Variants in BLMH observed in about 807,000 individuals in gnomAD.
The protein encoded by BLMH is bleomycin hydrolase, also known as BLM hydrolase.
A neutral mutation model predicts 61.6 loss-of-function variants in BLMH; 32 were observed. That is an observed-to-expected ratio of 0.52 (90% CI 0.39 to 0.70). The LOEUF is 0.70. Ranked by LOEUF, BLMH falls within the 30% of genes least tolerant of loss-of-function variation. The pLI is 0.00. For synonymous variants in BLMH, 183 were observed against 193.8 expected, an observed-to-expected ratio of 0.94 and a Z score of 0.46; for missense variants, 460 against 555.5, an observed-to-expected ratio of 0.83 and a Z score of 1.73.
At chr17:30,280,400 A>C (rs758197437) in intron 6 of BLMH, among the ~76,000 whole-genome samples, 3 of 152,218 alleles carry the variant, frequency 2.0e-5, no homozygotes, top group Non-Finnish European at 4.4e-5. Context: ...GTAGTACAGT[A>C]AAGTCTAAAG....
rs191309133 is a variant in BLMH, at chr17:30,269,185, T to G, written c.1146+2086A>C. 5.5e-3 allele frequency among the ~76,000 whole-genome samples: 819 copies of G among 148,050 alleles called. 47 individuals carry two copies. The East Asian group carries it at 0.11, about 20-fold the overall frequency. On this transcript the variant is annotated intron_variant, in intron 10 of 11. Transcript: ENST00000261714. ...ATTTTATTTATTTATTTATTGTTTT[T>G]TTTTTTTTTTGAGACAGAGTCTTGC...
chr17:30,289,822 T>G (rs182697940), intron 2 of BLMH, among the ~76,000 whole-genome samples: 2 of 152,206 alleles, frequency 1.3e-5, no homozygotes, highest in Non-Finnish European at 2.9e-5. Context: ...ACAGGGAAAT[T>G]ATCTCTTTTC....
At chr17:30,278,500 G>A (rs1908485031) in intron 6 of BLMH, among the ~76,000 whole-genome samples, 1 of 151,850 alleles carries the variant, frequency 6.6e-6, no homozygotes. Flanking sequence ...TTTCTCCATT[G>A]CACTTATCTT....
chr17:30,260,852 C>T (rs1347078532), intron 11 of BLMH, among the ~76,000 whole-genome samples: 1 of 152,122 alleles, frequency 6.6e-6, no homozygotes, highest in Admixed American at 6.5e-5. Flanking sequence ...CACTGCACTC[C>T]AGCCTGGGTA....
chr17:30,285,010 A>G (rs1908689304), intron 6 of BLMH, among the ~76,000 whole-genome samples: 1 of 152,218 alleles, frequency 6.6e-6, no homozygotes, highest in East Asian at 1.9e-4. Flanking sequence ...CAGTTTTTAC[A>G]CATCTAGCAT....
intron 4 of BLMH, 43 bp downstream of exon 4, chr17:30,287,763 T>C: frequency 1.2e-6 from 2 of 1,607,794 alleles, no homozygotes; most frequent in Non-Finnish European, 8.5e-7. Context: ...CAGGCTTACT[T>C]AATCATGCTG....
At position 30,274,104 on chromosome 17, in the gene BLMH, G is replaced by T; in HGVS notation, c.739C>A (p.Pro247Thr). Residue 247 changes from proline (P) to threonine (T), a missense_variant, in exon 7 of 12, where the codon CCC (proline) becomes ACC (threonine). Physicochemically the swap from Pro to Thr is conservative, Grantham distance 38 (BLOSUM62 -1). This residue lies in a region of BLMH where 310 missense variants were observed against 371.1 expected (regional missense o/e 0.84). Coordinates refer to ENST00000261714, the MANE Select transcript of BLMH (RefSeq NM_000386.4). ...CTGTAAAACTCCAAGGGTGTTATGG[G>T]GCCAATTTTCTGATAATTTTTATCT... The part of the protein sequence containing the change: ...DKDKNYQKIG[P>T]ITPLEFYREH... 6.2e-7 allele frequency: 1 copy of T among 1,614,060 alleles called. No individual in the cohort carries two copies. The highest frequency in any genetic ancestry group is 1.1e-5 in the South Asian group (1 of 91,068).
At chr17:30,269,180 G>GTTT (rs368369374) in intron 10 of BLMH, among the ~76,000 whole-genome samples, 10 of 131,356 alleles carry the variant, frequency 7.6e-5, no homozygotes, top group Admixed American at 3.2e-4. Context: ...TTTATTTATT[G>GTTT]TTTTTTTTTT....
At chr17:30,283,090 A>G (rs1908634912) in intron 6 of BLMH, among the ~76,000 whole-genome samples, 1 of 152,132 alleles carries the variant, frequency 6.6e-6, no homozygotes, top group African/African-American at 2.4e-5. Flanking sequence ...TGAGCCCAGG[A>G]GTTGAAAGTT....
chr17:30,279,648 A>G (rs1355284270), intron 6 of BLMH, among the ~76,000 whole-genome samples: 1 of 152,044 alleles, frequency 6.6e-6, no homozygotes, highest in Admixed American at 6.6e-5. Flanking sequence ...CTCTAAAAAT[A>G]TTTTCAGGCC....
intron 11 of BLMH, among the ~76,000 whole-genome samples, chr17:30,261,344 C>T (rs993607550): frequency 6.6e-6 from 1 of 152,198 alleles, no homozygotes; most frequent in South Asian, 2.1e-4. Context: ...AGTTACTCTA[C>T]TCTGATGTCA....
chr17:30,261,958 GCTCA>G (rs749238760), intron 11 of BLMH, among the ~76,000 whole-genome samples: 12 of 152,128 alleles, frequency 7.9e-5, no homozygotes, highest in Admixed American at 2.0e-4. Flanking sequence ...GAACAGAGAG[GCTCA>G]CTTGTAAGAA....
intron 6 of BLMH, among the ~76,000 whole-genome samples, chr17:30,283,826 A>T (rs1908657627): frequency 6.6e-6 from 1 of 152,194 alleles, no homozygotes; most frequent in African/African-American, 2.4e-5. Flanking sequence ...GGCCCCCACC[A>T]TCTTAATCTA....
intron 4 of BLMH, 93 bp from the exon 5 acceptor site, chr17:30,286,995 CT>C: frequency 1.3e-6 from 1 of 796,106 alleles, no homozygotes; most frequent in Non-Finnish European, 2.1e-6. Flanking sequence ...CGATATTTTG[CT>C]GGCTTACTTC....
chr17:30,271,372 C>T lies in BLMH; in HGVS notation c.1045G>A (p.Val349Met), dbSNP rs1258482553. 2.5e-6 allele frequency: 4 copies of T among 1,613,592 alleles called. No individual in the cohort carries two copies. Among genetic ancestry groups the T allele is most frequent in the Non-Finnish European group, 3.4e-6 (4 of 1,179,564 alleles). The change falls in exon 10 of 12, where the codon GTG becomes ATG. Residue 349 changes from valine (V) to methionine (M), a missense_variant. Physicochemically the swap from Val to Met is conservative, Grantham distance 21. Transcript: ENST00000261714. ...SDMNLYDHEL[V>M]FGVSLKNMNK... ...ATGTTCTTCAAGGAGACACCAAACA[C>T]TAACTCATGGTCATAGCTGTAAAAA...
intron 11 of BLMH, among the ~76,000 whole-genome samples, chr17:30,258,722 A>G: frequency 6.6e-6 from 1 of 152,212 alleles, no homozygotes; most frequent in Non-Finnish European, 1.5e-5. Context: ...TCTGAGGGTG[A>G]ACCCGGAGAG....
chr17:30,268,397 G>A (rs868510130), intron 10 of BLMH, among the ~76,000 whole-genome samples: 11 of 152,244 alleles, frequency 7.2e-5, no homozygotes, highest in Middle Eastern at 3.4e-3. Context: ...ATAACCACTA[G>A]TATGCATTTA....
At chr17:30,252,778 T>C (rs972139927) in intron 11 of BLMH, among the ~76,000 whole-genome samples, 6 of 152,052 alleles carry the variant, frequency 3.9e-5, no homozygotes, top group African/African-American at 9.7e-5. Context: ...CTACTTTCAA[T>C]AGACGAGAGA....
intron 7 of BLMH, 26 bp from the exon 8 acceptor site, chr17:30,272,925 T>C (rs1256359823): frequency 6.2e-7 from 1 of 1,610,032 alleles, no homozygotes; most frequent in Non-Finnish European, 8.5e-7. Context: ...ACACATTAAT[T>C]AGGGCACAAA....
Sources: gnomAD v4.1 joint callset for allele counts (sites outside exome capture counted in the v4.1 genomes callset) on GRCh38, gnomAD v4.1.1 for gene constraint, gnomAD v4.1.1 regional missense constraint, MANE v1.5 for transcripts, NCBI Gene and HGNC (gene_info 2026-07-23, HGNC 2026-07-21) for gene names.